The following SOBP variants were observed in gnomAD, a reference collection of about 807,000 sequenced individuals.
The protein encoded by SOBP is sine oculis binding protein homolog.
A neutral mutation model predicts 53.6 loss-of-function variants in SOBP; 4 were observed. That is an observed-to-expected ratio of 0.07 (90% CI 0.04 to 0.17). SOBP has a LOEUF of 0.17. Ranked by LOEUF, SOBP falls within the 10% of genes least tolerant of loss-of-function variation. The pLI is 1.00. For synonymous variants in SOBP, 584 were observed against 522.6 expected (o/e 1.12, Z -1.60); for missense variants, 1,088 against 1,204.7 (o/e 0.90, Z 1.43).
At chr6:107,589,698 A>C (rs1231895558) in intron 5 of SOBP, among the ~76,000 whole-genome samples, 1 of 152,202 alleles carries the variant, frequency 6.6e-6, no homozygotes, top group East Asian at 1.9e-4. Context: ...ACTGTGCAGC[A>C]GTCTCCTTAT....
At position 107,506,446 on chromosome 6, in the gene SOBP, T is replaced by C; in HGVS notation, c.421+19T>C. The C allele has an allele frequency of 6.2e-7, 1 of 1,612,226 alleles. No individual in the cohort carries two copies. The highest frequency in any genetic ancestry group is 1.1e-5 in the South Asian group (1 of 91,042). ...CCAGCAGGTAAGTCACTACTGGTGT[T>C]TTCAGTGATAACAATTCATAGAAAG... On this transcript the variant is annotated intron_variant, in intron 3 of 6. Coordinates refer to ENST00000317357, the MANE Select transcript of SOBP (RefSeq NM_018013.4).
At chr6:107,506,008 A>G (rs79637763) in intron 2 of SOBP, among the ~76,000 whole-genome samples, 1 of 152,222 alleles carries the variant, frequency 6.6e-6, no homozygotes, top group East Asian at 1.9e-4. Flanking sequence ...CCATGATTCA[A>G]CTGGAATATT....
At chr6:107,593,589 C>G (rs531087502) in intron 5 of SOBP, among the ~76,000 whole-genome samples, 1 of 152,288 alleles carries the variant, frequency 6.6e-6, no homozygotes, top group South Asian at 2.1e-4. Context: ...TTCTCACTCT[C>G]CTGAGCCTCA....
intron 3 of SOBP, among the ~76,000 whole-genome samples, chr6:107,511,984 T>C: frequency 6.6e-6 from 1 of 150,690 alleles, no homozygotes; most frequent in Non-Finnish European, 1.5e-5. Context: ...GGAATCACCA[T>C]GATCCTTAAA....
At chr6:107,498,095 C>G (rs1466360388) in intron 1 of SOBP, among the ~76,000 whole-genome samples, 1 of 152,004 alleles carries the variant, frequency 6.6e-6, no homozygotes, top group Non-Finnish European at 1.5e-5. Flanking sequence ...ATATTTGTGA[C>G]TGGATTAAGT....
intron 3 of SOBP, among the ~76,000 whole-genome samples, chr6:107,521,402 A>G (rs1267180537): frequency 6.6e-6 from 1 of 152,226 alleles, no homozygotes; most frequent in African/African-American, 2.4e-5. Context: ...CAGACTAAAT[A>G]TAGGATTAAA....
intron 4 of SOBP, among the ~76,000 whole-genome samples, chr6:107,570,569 C>T (rs979197716): frequency 1.6e-4 from 24 of 152,248 alleles, no homozygotes; most frequent in African/African-American, 4.8e-4. Flanking sequence ...GTTACAGCCA[C>T]GCTCTCATTC....
chr6:107,494,741 CAGTA>C (rs1190905728), intron 1 of SOBP, among the ~76,000 whole-genome samples: 1 of 152,194 alleles, frequency 6.6e-6, no homozygotes, highest in Non-Finnish European at 1.5e-5. Context: ...TAAATATTCT[CAGTA>C]AGTAATTTGT....
chr6:107,622,961 T>TA (rs1430614892), intron 5 of SOBP, among the ~76,000 whole-genome samples: 1 of 152,168 alleles, frequency 6.6e-6, no homozygotes, highest in Non-Finnish European at 1.5e-5. Context: ...TGTGAAGAGT[T>TA]ATGAGAAGGT....
chr6:107,496,967 TG>T (rs1312828185), intron 1 of SOBP, among the ~76,000 whole-genome samples: 1 of 152,234 alleles, frequency 6.6e-6, no homozygotes, highest in African/African-American at 2.4e-5. Flanking sequence ...GACTCAGCCC[TG>T]GGCCAGGCCT....
chr6:107,650,570 C>A (rs1771761873), intron 6 of SOBP, among the ~76,000 whole-genome samples: 1 of 152,180 alleles, frequency 6.6e-6, no homozygotes, highest in Non-Finnish European at 1.5e-5. Flanking sequence ...GATCAGTGAT[C>A]TTGGATGTTA....
intron 3 of SOBP, among the ~76,000 whole-genome samples, chr6:107,529,762 T>C (rs1187810895): frequency 2.0e-5 from 3 of 152,204 alleles, no homozygotes; most frequent in Non-Finnish European, 2.9e-5. Context: ...CATACTTCTC[T>C]GCACTATAAT....
Position 107,655,957 on chromosome 6 carries a change from G to A in SOBP, c.*4-2250G>A, listed in dbSNP as rs188821800. On this transcript the variant is annotated intron_variant, in intron 6 of 6. Coordinates refer to ENST00000317357, the MANE Select transcript of SOBP (RefSeq NM_018013.4). ...CCCTAAGTAAGCAATTCAAAATGGCGGTGTTTCCCAGTTTACTGGAGGAAA... is the reference window on the plus strand; with the variant it reads ...CCCTAAGTAAGCAATTCAAAATGGCAGTGTTTCCCAGTTTACTGGAGGAAA... Among the ~76,000 whole-genome samples the A allele has an allele frequency of 2.0e-4, 31 of 152,192 alleles. No individual in the cohort carries two copies. In the East Asian group the frequency reaches 2.1e-3, roughly 10 times the overall value.
At chr6:107,591,068 C>G (rs1403066797) in intron 5 of SOBP, among the ~76,000 whole-genome samples, 1 of 152,182 alleles carries the variant, frequency 6.6e-6, no homozygotes, top group African/African-American at 2.4e-5. Flanking sequence ...CTTGCCCCAG[C>G]TGGACTTTAT....
chr6:107,646,490 G>A (rs1253415351), intron 6 of SOBP, among the ~76,000 whole-genome samples: 4 of 152,210 alleles, frequency 2.6e-5, no homozygotes, highest in African/African-American at 9.7e-5. Context: ...ACAGAGGCAG[G>A]CCCTGGCTCT....
chr6:107,556,877 C>A (rs1453351014), intron 4 of SOBP, among the ~76,000 whole-genome samples: 1 of 152,174 alleles, frequency 6.6e-6, no homozygotes, highest in Admixed American at 6.5e-5. Context: ...TGAAAGAGAA[C>A]CATGTGGTAA....
intron 5 of SOBP, among the ~76,000 whole-genome samples, chr6:107,601,088 A>C (rs573405931): frequency 4.7e-4 from 71 of 152,346 alleles, no homozygotes; most frequent in African/African-American, 1.6e-3. Flanking sequence ...AATTTTCCCC[A>C]ATCGGCTCAG....
At chr6:107,624,767 T>C (rs1346837715) in intron 5 of SOBP, among the ~76,000 whole-genome samples, 1 of 152,192 alleles carries the variant, frequency 6.6e-6, no homozygotes. Flanking sequence ...GGATGCCACC[T>C]GGAAGATGAC....
At chr6:107,598,074 T>A (rs1786012991) in intron 5 of SOBP, among the ~76,000 whole-genome samples, 1 of 152,218 alleles carries the variant, frequency 6.6e-6, no homozygotes, top group South Asian at 2.1e-4. Context: ...TCCCCAGGGC[T>A]GGGCTTAAAA....
Sources: gnomAD v4.1 joint callset for allele counts (sites outside exome capture counted in the v4.1 genomes callset) on GRCh38, gnomAD v4.1.1 for gene constraint, MANE v1.5 for transcripts, NCBI Gene and HGNC (gene_info 2026-07-23, HGNC 2026-07-21) for gene names.